SNRNP40: variants seen among roughly 807,000 people sequenced by gnomAD.
SNRNP40 encodes the protein U5 small nuclear ribonucleoprotein 40 kDa protein.
SNRNP40 carries 21 observed loss-of-function variants against 45.8 expected under a neutral mutation model. The ratio of observed to expected loss-of-function variants is 0.46; its 90% confidence interval spans 0.32 to 0.66. The LOEUF (loss-of-function observed/expected upper bound fraction) is 0.66. SNRNP40 is among the 30% of genes least tolerant of loss of function. SNRNP40 has a pLI of 0.03. For synonymous variants in SNRNP40, 142 were observed against 163.8 expected (o/e 0.87, Z 1.01); for missense variants, 344 against 439.1 (o/e 0.78, Z 1.94).
intron 9 of SNRNP40, among the ~76,000 whole-genome samples, 170 bp downstream of exon 9, chr1:31,261,349 AAAAACAAAAC>A (rs754481801): frequency 6.6e-6 from 1 of 152,218 alleles, no homozygotes. Flanking sequence ...ACACTGTCTC[AAAAACAAAAC>A]AAAACAAAAC....
intron 1 of SNRNP40, among the ~76,000 whole-genome samples, chr1:31,294,536 C>T (rs754130682): frequency 5.9e-5 from 9 of 151,748 alleles, no homozygotes; most frequent in Non-Finnish European, 1.2e-4. Flanking sequence ...CTCGTCTCAT[C>T]GCAAACTCCG....
intron 5 of SNRNP40, among the ~76,000 whole-genome samples, chr1:31,274,645 T>A (rs377688282): frequency 9.8e-5 from 11 of 112,016 alleles, no homozygotes; most frequent in Admixed American, 9.9e-5. Flanking sequence ...ACCATTACAT[T>A]AAAAAAAAAA....
At chr1:31,284,295 T>C (rs1236616618) in intron 4 of SNRNP40, among the ~76,000 whole-genome samples, 3 of 152,196 alleles carry the variant, frequency 2.0e-5, no homozygotes, top group Non-Finnish European at 4.4e-5. Flanking sequence ...ATTACAGGCA[T>C]GCGCCACCAC....
chr1:31,268,699 G>A (rs1406346031), intron 7 of SNRNP40, among the ~76,000 whole-genome samples: 2 of 152,142 alleles, frequency 1.3e-5, no homozygotes, highest in African/African-American at 4.8e-5. Context: ...TTGAGGCTTT[G>A]AAAAAAATTT....
At chr1:31,283,988 C>A (rs1254823016) in intron 4 of SNRNP40, among the ~76,000 whole-genome samples, 2 of 152,092 alleles carry the variant, frequency 1.3e-5, no homozygotes, top group Non-Finnish European at 2.9e-5. Flanking sequence ...CTTTCGGAGG[C>A]CGAGGCCAGG....
chr1:31,277,291 A>C (rs1645982300), intron 5 of SNRNP40, among the ~76,000 whole-genome samples: 1 of 152,230 alleles, frequency 6.6e-6, no homozygotes, highest in South Asian at 2.1e-4. Flanking sequence ...TACACTGTGA[A>C]ATAGTAAGAG....
In SNRNP40 at chr1:31,271,546, G is replaced by A. The variant is rs377100823; in HGVS notation, c.655-47C>T. 5.1e-6 allele frequency: 8 copies of A among 1,576,812 alleles called. No homozygotes were observed. In the African/African-American group the frequency reaches 5.5e-5, roughly 11 times the overall value. The stretch of plus-strand genomic sequence containing the variant: ...CCCAGAAATCAAATTAATAAAAGCA[G>A]AGAAAGAGAATGACACAAGAGACAA... On this transcript the variant is annotated intron_variant, in intron 5 of 9. Transcript: ENST00000263694.
rs118047552 is a variant in SNRNP40, at chr1:31,269,858, T to A, written c.776-618A>T. Among the ~76,000 whole-genome samples, 898 of 152,350 alleles carry A rather than the reference T, an allele frequency of 5.9e-3. 71 individuals are homozygous for A. In the East Asian group the frequency reaches 0.15, roughly 25 times the overall value. ...TGTTTGTGTCTTGGTTTTTCTGTTC[T>A]GTAAAATGAAGAGAAAATTATCTGT... On this transcript the variant is annotated intron_variant, in intron 6 of 9. Transcript: ENST00000263694.
intron 4 of SNRNP40, among the ~76,000 whole-genome samples, chr1:31,288,015 T>A (rs1166379204): frequency 6.6e-6 from 1 of 150,512 alleles, no homozygotes; most frequent in East Asian, 1.9e-4. Context: ...ATAGAAAAAT[T>A]AGGCAGGTAT....
chr1:31,263,647 G>A, intron 8 of SNRNP40: 1 of 456,742 alleles, frequency 2.2e-6, no homozygotes, highest in South Asian at 1.6e-5. Flanking sequence ...TGAAGACTGT[G>A]TCCCAAAGTA....
Position 31,289,259 on chromosome 1 carries a change from C to T in SNRNP40, c.526G>A (p.Val176Ile). The T allele has an allele frequency of 5.6e-6, 9 of 1,613,958 alleles. No individual in the cohort carries two copies. Among genetic ancestry groups the T allele is most frequent in the South Asian group, 1.1e-5 (1 of 91,064 alleles). Residue 176 changes from valine (V) to isoleucine (I), a missense_variant, in exon 4 of 10, where the codon GTT becomes ATT. Val to Ile is a conservative substitution (Grantham distance 29, BLOSUM62 3). Transcript: ENST00000263694. ...LVCTGSDDGT[V>I]KLWDIRKKAA... ...CACGGAGAGACAATACCCACCTTAA[C>T]TGTGCCATCGTCACTGCCAGTGCAG... is the stretch of plus-strand genomic sequence containing the variant.
At chr1:31,284,011 G>T (rs567172471) in intron 4 of SNRNP40, among the ~76,000 whole-genome samples, 3 of 152,252 alleles carry the variant, frequency 2.0e-5, no homozygotes, top group Non-Finnish European at 4.4e-5. Flanking sequence ...GATGGCTTTA[G>T]CCCAGAGTTA....
chr1:31,279,490 C>T (rs1646000549), intron 5 of SNRNP40, among the ~76,000 whole-genome samples: 1 of 152,220 alleles, frequency 6.6e-6, no homozygotes. Context: ...GTGGCTCATG[C>T]CTGTAATCCC....
Position 31,259,755 on chromosome 1 carries a change from C to CA in SNRNP40, c.*316dup, listed in dbSNP as rs59591825. On this transcript the variant is annotated 3_prime_UTR_variant, in exon 10 of 10. Coordinates refer to ENST00000263694, the MANE Select transcript of SNRNP40 (RefSeq NM_004814.3). ...AAGAAAATATCATACAAGCCAGTTA[C>CA]AAAAAAAAAAAAAAAATCCCAACCA... is the stretch of plus-strand genomic sequence containing the variant. The CA allele has an allele frequency of 6.7e-3, 2,965 of 440,444 alleles. 2 individuals are homozygous for CA. Among genetic ancestry groups the CA allele is most frequent in the East Asian group, 0.043 (745 of 17,162 alleles). The allele number at this position is 440,444 out of a possible 1,614,324, so 27.3% of individuals were successfully genotyped here. A position where few individuals can be genotyped will look rare whatever the true frequency, so the allele number is the denominator to read the frequency against.
At chr1:31,267,025 G>A (rs1282051421) in intron 8 of SNRNP40, among the ~76,000 whole-genome samples, 2 of 152,186 alleles carry the variant, frequency 1.3e-5, no homozygotes, top group African/African-American at 2.4e-5. Flanking sequence ...AGAACAATTA[G>A]TTATCTCCAA....
At chr1:31,281,553 A>T in intron 4 of SNRNP40, 57 bp from the exon 5 acceptor site, 1 of 1,526,750 alleles carries the variant, frequency 6.5e-7, no homozygotes, top group Non-Finnish European at 9.0e-7. Context: ...GCAATTGCAC[A>T]GTACAAATAT....
Position 31,293,354 on chromosome 1 carries a change from CAA to C in SNRNP40, c.142-8_142-7del. On this transcript the variant is annotated splice_polypyrimidine_tract_variant and splice_region_variant and intron_variant, in intron 1 of 9. Transcript: ENST00000263694. Reference sequence around the variant, plus strand: ...GAGGAACATCTTGGAGGTCCCTAAACAAAAGAGAAGCACAAGGTAACTACTGC... The same window carrying C: ...GAGGAACATCTTGGAGGTCCCTAAACAAGAGAAGCACAAGGTAACTACTGC... 6.2e-7 allele frequency: 1 copy of C among 1,601,804 alleles called. No homozygotes were observed. Among genetic ancestry groups the C allele is most frequent in the South Asian group, 1.1e-5 (1 of 88,974 alleles).
At chr1:31,270,338 C>T (rs895974511) in intron 6 of SNRNP40, among the ~76,000 whole-genome samples, 2 of 152,014 alleles carry the variant, frequency 1.3e-5, no homozygotes, top group African/African-American at 4.8e-5. Context: ...ATAAAGAACG[C>T]TAGAATTAGC....
rs762244044 is a variant in SNRNP40, at chr1:31,260,158, GGCTCAAGGAGACTTGGT to G, written c.1025-54_1025-38del. 53 of 1,457,760 alleles carry G rather than the reference GGCTCAAGGAGACTTGGT, an allele frequency of 3.6e-5. 1 individual carries two copies. The highest frequency in any genetic ancestry group is 2.9e-4 in the South Asian group (22 of 75,954). The allele number at this position is 1,457,760 out of a possible 1,614,324, so 90.3% of individuals were successfully genotyped here. ...AGAACAGATAACTAGAAATAATGAA[GGCTCAAGGAGACTTGGT>G]GCTCAAGGGCTCTTGTGTCAAGAGC... On this transcript the variant is annotated intron_variant, in intron 9 of 9. Transcript: ENST00000263694.
Sources: allele counts gnomAD v4.1 joint callset (sites outside exome capture counted in the v4.1 genomes callset), GRCh38; gene constraint gnomAD v4.1.1; transcripts MANE v1.5; gene names NCBI Gene and HGNC (gene_info 2026-07-23, HGNC 2026-07-21).